CELF4: variants seen among roughly 807,000 people sequenced by gnomAD.
CELF4 encodes CUG-BP- and ETR-3-like factor 4.
Under a neutral mutation model 59.9 loss-of-function variants are expected in CELF4, and 18 were observed. That is an observed-to-expected ratio of 0.30 (90% CI 0.21 to 0.45). The LOEUF (loss-of-function observed/expected upper bound fraction) is 0.45, where lower values mean the gene tolerates loss of function less well. Among genes scored for constraint, CELF4 ranks in the 20% least tolerant of loss-of-function variants. The pLI, the probability that CELF4 is intolerant of heterozygous loss-of-function variation, is 1.00. For missense variants in CELF4, 456 were observed against 689.0 expected, an observed-to-expected ratio of 0.66 and a Z score of 3.79; for synonymous variants, 261 against 267.1, an observed-to-expected ratio of 0.98 and a Z score of 0.22.
At chr18:37,488,635 G>A (rs1303896340) in intron 1 of CELF4, among the ~76,000 whole-genome samples, 1 of 152,102 alleles carries the variant, frequency 6.6e-6, no homozygotes, top group Non-Finnish European at 1.5e-5. Flanking sequence ...ACCTGACAGT[G>A]CACTCTCACC....
At chr18:37,459,341 C>T (rs1569569491) in intron 2 of CELF4, among the ~76,000 whole-genome samples, 1 of 149,698 alleles carries the variant, frequency 6.7e-6, no homozygotes, top group Non-Finnish European at 1.5e-5. Flanking sequence ...TCTCTCTCTC[C>T]CAGAGTTAAT....
At chr18:37,369,682 C>A (rs1360302899) in intron 2 of CELF4, among the ~76,000 whole-genome samples, 1 of 152,210 alleles carries the variant, frequency 6.6e-6, no homozygotes, top group Non-Finnish European at 1.5e-5. Flanking sequence ...CTTCCCAGTG[C>A]CAAAGAATTA....
chr18:37,371,317 C>T (rs1603630011), intron 2 of CELF4, among the ~76,000 whole-genome samples: 1 of 152,164 alleles, frequency 6.6e-6, no homozygotes, highest in African/African-American at 2.4e-5. Context: ...ATTCATAGTG[C>T]CAGCCCTGGA....
intron 2 of CELF4, among the ~76,000 whole-genome samples, chr18:37,348,579 T>A (rs893331300): frequency 1.2e-4 from 18 of 151,998 alleles, no homozygotes; most frequent in Non-Finnish European, 1.5e-5. Context: ...GACAGGACCA[T>A]GGCCTTGAAA....
intron 1 of CELF4, among the ~76,000 whole-genome samples, chr18:37,530,345 G>T (rs2099968246): frequency 6.6e-6 from 1 of 151,984 alleles, no homozygotes; most frequent in African/African-American, 2.4e-5. Context: ...TCTGGCTTCA[G>T]CAGTCAGAGT....
chr18:37,449,496 A>G (rs1235396973), intron 2 of CELF4, among the ~76,000 whole-genome samples: 2 of 152,156 alleles, frequency 1.3e-5, no homozygotes, highest in African/African-American at 4.8e-5. Context: ...GAGAAGCCCT[A>G]TGCCACTGAG....
intron 1 of CELF4, among the ~76,000 whole-genome samples, chr18:37,500,931 A>G (rs2099931134): frequency 6.6e-6 from 1 of 152,218 alleles, no homozygotes. Flanking sequence ...TAGAAGGTCC[A>G]GCTGAGGCCT....
intron 1 of CELF4, among the ~76,000 whole-genome samples, chr18:37,548,330 A>T (rs2099982110): frequency 6.6e-6 from 1 of 152,234 alleles, no homozygotes. Flanking sequence ...CGGCTTGAGC[A>T]TATGACCAAT....
rs746521678 is a variant in CELF4, at chr18:37,264,723, G to A, written c.1200C>T (p.Ser400=). ...AAYPAAYGQI[S]QAFPQPPPMI... Reference sequence around the variant, plus strand: ...TTGGAGGCGGCTGAGGAAAGGCCTGGCTTATCTGACCATAGGCAGCAGGGT... The same window carrying A: ...TTGGAGGCGGCTGAGGAAAGGCCTGACTTATCTGACCATAGGCAGCAGGGT... Residue 400 remains serine, a synonymous_variant, in exon 10 of 13, where the codon AGC becomes AGT. Transcript: ENST00000420428. 3.2e-6 allele frequency: 5 copies of A among 1,581,454 alleles called. No homozygotes were observed. Among genetic ancestry groups the A allele is most frequent in the Non-Finnish European group, 4.3e-6 (5 of 1,162,920 alleles).
rs866357928 is a variant in CELF4, at chr18:37,539,494, C to T, written c.286+25862G>A. Among the ~76,000 whole-genome samples, 14 of 151,946 alleles carry T rather than the reference C, an allele frequency of 9.2e-5. No individual in the cohort carries two copies. In the South Asian group the frequency reaches 1.5e-3, roughly 16 times the overall value. On this transcript the variant is annotated intron_variant, in intron 1 of 12. Coordinates refer to ENST00000420428, the MANE Select transcript of CELF4 (RefSeq NM_020180.4). ...ACAAACACACACACACACACACACG[C>T]GTGCACGTGCACACACAGACACACA...
chr18:37,505,064 G>C (rs997556222), intron 1 of CELF4, among the ~76,000 whole-genome samples: 2 of 152,250 alleles, frequency 1.3e-5, no homozygotes, highest in African/African-American at 4.8e-5. Flanking sequence ...GGCAGGAGAA[G>C]TGCCTTGGGG....
chr18:37,452,051 G>T (rs553985505), intron 2 of CELF4, among the ~76,000 whole-genome samples: 1 of 152,288 alleles, frequency 6.6e-6, no homozygotes, highest in Non-Finnish European at 1.5e-5. Context: ...GCTGGCATGT[G>T]CTGCCTACCC....
intron 2 of CELF4, among the ~76,000 whole-genome samples, chr18:37,399,166 A>C (rs2099286321): frequency 6.6e-6 from 1 of 152,200 alleles, no homozygotes; most frequent in Non-Finnish European, 1.5e-5. Flanking sequence ...TGTCCCCTTC[A>C]AAACTCATAC....
chr18:37,322,542 T>C (rs1267754635), intron 2 of CELF4, among the ~76,000 whole-genome samples: 2 of 152,126 alleles, frequency 1.3e-5, no homozygotes, highest in Non-Finnish European at 2.9e-5. Flanking sequence ...AGGAGAGCAA[T>C]GCCTGACTCC....
rs767841321 is a variant in CELF4 at position 37,266,575 on chromosome 18, G to A, written c.1123C>T (p.Pro375Ser). 1.3e-6 allele frequency: 2 copies of A among 1,595,278 alleles called. No homozygotes were observed. The highest frequency in any genetic ancestry group is 1.1e-5 in the South Asian group (1 of 87,456). The stretch of plus-strand genomic sequence containing the variant: ...ACTCCGGCGTAGGCCTGCTGCAGGG[G>A]GTCCGCGGCGGTGGGGCTCTGTGCT... ...YPAQSPTAAD[P>S]LQQAYAGVQQ... Residue 375 changes from proline (P) to serine (S), a missense_variant, in exon 9 of 13, where the codon CCC becomes TCC. Coordinates refer to ENST00000420428, the MANE Select transcript of CELF4 (RefSeq NM_020180.4).
chr18:37,304,741 C>T (rs370418575), intron 3 of CELF4, among the ~76,000 whole-genome samples: 7 of 152,214 alleles, frequency 4.6e-5, no homozygotes, highest in Admixed American at 1.3e-4. Flanking sequence ...TGCCCTCAGC[C>T]GCCCTGCCAC....
At chr18:37,296,598 A>T (rs2095656673) in intron 3 of CELF4, among the ~76,000 whole-genome samples, 1 of 152,332 alleles carries the variant, frequency 6.6e-6, no homozygotes, top group African/African-American at 2.4e-5. Flanking sequence ...TAATTAGTCC[A>T]GGACAACATG....
In CELF4 at chr18:37,539,472, A is replaced by ACAAAC. The variant is rs2099976149; in HGVS notation, c.286+25883_286+25884insGTTTG. Among the ~76,000 whole-genome samples the ACAAAC allele has an allele frequency of 5.1e-4, 55 of 106,834 alleles. 1 individual carries two copies. The South Asian group carries it at 8.6e-3, about 17-fold the overall frequency. 70.1% of individuals were successfully genotyped at this position (106,834 alleles called of 152,430 possible). On this transcript the variant is annotated intron_variant, in intron 1 of 12. Coordinates refer to ENST00000420428, the MANE Select transcript of CELF4 (RefSeq NM_020180.4). Reference sequence around the variant, plus strand: ...AGACACACACACACACACACACACAAACACACACACACACACACACGCGTG... The same window carrying ACAAAC: ...AGACACACACACACACACACACACAACAAACACACACACACACACACACACGCGTG...
chr18:37,387,443 C>T (rs2154572095), intron 2 of CELF4, among the ~76,000 whole-genome samples: 2 of 152,348 alleles, frequency 1.3e-5, no homozygotes, highest in South Asian at 4.1e-4. Context: ...CAGCGCCCCT[C>T]TTCTCACGGG....
Sources: allele counts gnomAD v4.1 joint callset (sites outside exome capture counted in the v4.1 genomes callset), GRCh38; gene constraint gnomAD v4.1.1; transcripts MANE v1.5; gene names NCBI Gene and HGNC (gene_info 2026-07-23, HGNC 2026-07-21).